Variants in CDH18 observed in about 807,000 individuals in gnomAD.
CDH18 encodes the protein cadherin 18.
CDH18 carries 31 observed loss-of-function variants against 67.9 expected under a neutral mutation model. The observed-to-expected ratio is 0.46, with a 90% CI of 0.34 to 0.62. The LOEUF (loss-of-function observed/expected upper bound fraction) is 0.62. CDH18 is among the 20% of genes least tolerant of loss of function. The probability of loss-of-function intolerance (pLI) is 0.01; values close to 1 mark genes in which losing one functional copy is unlikely to be tolerated. For missense variants in CDH18, 890 were observed against 975.5 expected (o/e 0.91, Z 1.17); for synonymous variants, 362 against 347.2 (o/e 1.04, Z -0.48).
intron 2 of CDH18, among the ~76,000 whole-genome samples, chr5:20,013,323 C>G (rs1287992073): frequency 6.6e-6 from 1 of 152,022 alleles, no homozygotes; most frequent in Admixed American, 6.6e-5. Flanking sequence ...AGTTAACTCT[C>G]TCTCATTGGG....
intron 1 of CDH18, among the ~76,000 whole-genome samples, chr5:20,494,868 G>A (rs1374899934): frequency 6.6e-6 from 1 of 152,126 alleles, no homozygotes; most frequent in African/African-American, 2.4e-5. Context: ...AAAACATGCT[G>A]ACATGCTATT....
chr5:19,552,769 C>T (rs17839206), intron 8 of CDH18, among the ~76,000 whole-genome samples: 2,244 of 152,186 alleles, frequency 0.015, 56 homozygotes, highest in African/African-American at 0.051. Flanking sequence ...ATAGGCAAAC[C>T]TTAACTAATT....
At chr5:20,432,739 C>A (rs1748847062) in intron 1 of CDH18, among the ~76,000 whole-genome samples, 1 of 151,910 alleles carries the variant, frequency 6.6e-6, no homozygotes. Context: ...CCTGAGCTAA[C>A]AATCCTATTT....
chr5:19,555,935 G>T (rs527332277), intron 8 of CDH18, among the ~76,000 whole-genome samples: 76 of 152,268 alleles, frequency 5.0e-4, no homozygotes, highest in African/African-American at 1.7e-3. Flanking sequence ...CTGAAGATGG[G>T]TTACATGACA....
chr5:20,374,910 G>A (rs1216424763), intron 1 of CDH18, among the ~76,000 whole-genome samples: 3 of 152,038 alleles, frequency 2.0e-5, no homozygotes, highest in Non-Finnish European at 4.4e-5. Context: ...TTAGTAAGTA[G>A]GGTTATCTAT....
At chr5:19,871,190 A>T (rs187692162) in intron 2 of CDH18, among the ~76,000 whole-genome samples, 152 of 152,244 alleles carry the variant, frequency 1.0e-3, no homozygotes, top group East Asian at 4.2e-3. Context: ...AAGCTTTTTT[A>T]AAAAAATTCA....
intron 1 of CDH18, among the ~76,000 whole-genome samples, chr5:20,479,377 C>T (rs1206739201): frequency 3.3e-5 from 5 of 152,028 alleles, no homozygotes; most frequent in Non-Finnish European, 1.5e-5. Flanking sequence ...CAGGATAGCA[C>T]AGAAACAATT....
chr5:19,916,215 A>G (rs1791769094), intron 2 of CDH18, among the ~76,000 whole-genome samples: 1 of 152,160 alleles, frequency 6.6e-6, no homozygotes, highest in Non-Finnish European at 1.5e-5. Context: ...CAGCCCATAG[A>G]GCACTGCAAG....
At chr5:20,292,391 T>G (rs1057409343) in intron 1 of CDH18, among the ~76,000 whole-genome samples, 1 of 152,138 alleles carries the variant, frequency 6.6e-6, no homozygotes, top group Non-Finnish European at 1.5e-5. Context: ...TGGTCAAAGA[T>G]AAAGAGAATG....
At chr5:19,725,874 A>C (rs978920730) in intron 4 of CDH18, among the ~76,000 whole-genome samples, 5 of 152,206 alleles carry the variant, frequency 3.3e-5, no homozygotes, top group Admixed American at 3.3e-4. Flanking sequence ...AACTACAGAA[A>C]ACAGTAGAAT....
At chr5:19,828,325 T>C (rs1204418555) in intron 3 of CDH18, among the ~76,000 whole-genome samples, 1 of 151,984 alleles carries the variant, frequency 6.6e-6, no homozygotes, top group African/African-American at 2.4e-5. Context: ...AGAAACTATT[T>C]CAAAAAATTG....
chr5:19,954,074 T>C (rs6872378), intron 2 of CDH18, among the ~76,000 whole-genome samples: 13,688 of 152,046 alleles, frequency 0.09, 1,715 homozygotes, highest in African/African-American at 0.28. Context: ...TTTGCATTCA[T>C]TTCAGGACCT....
At chr5:20,424,575 A>T (rs1399234897) in intron 1 of CDH18, among the ~76,000 whole-genome samples, 3 of 149,544 alleles carry the variant, frequency 2.0e-5, no homozygotes, top group Non-Finnish European at 2.9e-5. Flanking sequence ...AACACAGCAA[A>T]ACCTGTCTCT....
intron 9 of CDH18, among the ~76,000 whole-genome samples, chr5:19,525,620 A>C (rs1158715625): frequency 6.6e-6 from 1 of 152,222 alleles, no homozygotes; most frequent in East Asian, 1.9e-4. Context: ...GATGTATAAA[A>C]ATGTGGCTGT....
intron 5 of CDH18, among the ~76,000 whole-genome samples, chr5:19,682,953 C>T (rs1013910143): frequency 1.3e-5 from 2 of 152,030 alleles, no homozygotes; most frequent in African/African-American, 4.8e-5. Flanking sequence ...ATCTTTTATA[C>T]ATGTATTATT....
intron 2 of CDH18, among the ~76,000 whole-genome samples, chr5:19,841,052 C>G (rs960680268): frequency 2.6e-5 from 4 of 151,966 alleles, no homozygotes; most frequent in Non-Finnish European, 5.9e-5. Context: ...GATTTGGTCA[C>G]GAAGGAAAAA....
intron 1 of CDH18, among the ~76,000 whole-genome samples, chr5:20,267,334 A>C (rs1047610415): frequency 6.6e-6 from 1 of 152,118 alleles, no homozygotes; most frequent in African/African-American, 2.4e-5. Flanking sequence ...GGGTTACTAG[A>C]GCCTTGTAAT....
intron 2 of CDH18, among the ~76,000 whole-genome samples, chr5:20,240,350 A>C (rs1742804174): frequency 6.6e-6 from 1 of 152,150 alleles, no homozygotes; most frequent in African/African-American, 2.4e-5. Context: ...TGTAAGTATC[A>C]ATTGAGACAA....
intron 3 of CDH18, among the ~76,000 whole-genome samples, chr5:19,833,740 A>C (rs1007567435): frequency 2.0e-5 from 3 of 152,174 alleles, no homozygotes; most frequent in Non-Finnish European, 4.4e-5. Flanking sequence ...ACGGATGTTA[A>C]ATTTTATCAA....
Sources: allele counts gnomAD v4.1 joint callset (sites outside exome capture counted in the v4.1 genomes callset), GRCh38; gene constraint gnomAD v4.1.1; transcripts MANE v1.5; gene names NCBI Gene and HGNC (gene_info 2026-07-23, HGNC 2026-07-21).